SNORC: variants seen among roughly 807,000 people sequenced by gnomAD.
SNORC encodes secondary ossification center associated regulator of chondrocyte maturation.
Under a neutral mutation model 9.7 loss-of-function variants are expected in SNORC, and 11 were observed. That is an observed-to-expected ratio of 1.14 (90% CI 0.72 to 1.88). The LOEUF is 1.88. SNORC is among the 40% of genes most tolerant of loss of function. The pLI, the probability that SNORC is intolerant of heterozygous loss-of-function variation, is 0.00. For missense variants in SNORC, 197 were observed against 173.1 expected (o/e 1.14, Z -0.77); for synonymous variants, 108 against 88.7 (o/e 1.22, Z -1.22).
chr2:232,871,669 G>C (rs980066486), intron 1 of SNORC, among the ~76,000 whole-genome samples: 1 of 152,230 alleles, frequency 6.6e-6, no homozygotes, highest in Non-Finnish European at 1.5e-5. Flanking sequence ...CGAGCCATGC[G>C]GTGTTCCCAG....
chr2:232,875,484 T>G, intron 1 of SNORC: 1 of 428,596 alleles, frequency 2.3e-6, no homozygotes, highest in Non-Finnish European at 4.9e-6. Context: ...GGGCATCCTG[T>G]CTGGTTGCCG....
chr2:232,876,688 G>A, downstream of SNORC: 1 of 996,164 alleles, frequency 1.0e-6, no homozygotes, highest in Non-Finnish European at 1.2e-6. The surrounding 1 kb of genome is among the most constrained non-coding windows in gnomAD (Gnocchi z 6.8). Context: ...CCTCAGGAGC[G>A]CGCCGCATGT....
At chr2:232,869,193 T>A (rs1690934691), upstream of SNORC, 1 of 152,086 alleles carries the variant, frequency 6.6e-6, no homozygotes, top group African/African-American at 2.4e-5. Flanking sequence ...AAGCTGAGGC[T>A]TGAATGGAAG....
At position 232,876,327 on chromosome 2, in the gene SNORC, G is replaced by A; in HGVS notation, c.337G>A (p.Val113Ile). ...CTGCGTGGTGCTGGCGCTCGTGGTC[G>A]TCGCGCTGAGAAAGTTTTCTGCCTC... Residue 113 changes from valine to isoleucine, a missense_variant, in exon 3 of 3, where the codon GTC (valine) becomes ATC (isoleucine). Coordinates refer to ENST00000331342, the Ensembl canonical transcript of SNORC. This position sits in a 1 kb window ranked among gnomAD's most constrained non-coding sequence, Gnocchi z 6.8. 3 of 1,547,032 alleles carry A rather than the reference G, an allele frequency of 1.9e-6. No homozygotes were observed. The highest frequency in any genetic ancestry group is 2.6e-6 in the Non-Finnish European group (3 of 1,150,218).
chr2:232,876,592 A>G (rs1181987796), downstream of SNORC: 4 of 1,122,090 alleles, frequency 3.6e-6, no homozygotes, highest in African/African-American at 4.9e-5. This position sits in a 1 kb window ranked among gnomAD's most constrained non-coding sequence, Gnocchi z 6.8. Context: ...AGCGCACAGC[A>G]TGTCCGAGCC....
intron 1 of SNORC, among the ~76,000 whole-genome samples, chr2:232,874,701 C>A (rs1235123640): frequency 6.6e-6 from 1 of 152,234 alleles, no homozygotes; most frequent in Non-Finnish European, 1.5e-5. Flanking sequence ...TGGCTTGACT[C>A]TTGCCCCAGC....
chr2:232,873,621 T>C (rs1376816413), intron 1 of SNORC, among the ~76,000 whole-genome samples: 3 of 152,214 alleles, frequency 2.0e-5, no homozygotes, highest in South Asian at 2.1e-4. Flanking sequence ...GTGTGTCATT[T>C]GTCCATTTCT....
intron 1 of SNORC, among the ~76,000 whole-genome samples, chr2:232,871,777 T>G (rs951716193): frequency 2.0e-5 from 3 of 152,150 alleles, no homozygotes; most frequent in Admixed American, 1.3e-4. Flanking sequence ...AGAAGCTGCT[T>G]CTCCAGCCTG....
chr2:232,875,817 T>G (rs1691206933), intron 1 of SNORC, 123 bp from the exon 2 acceptor site: 2 of 1,023,664 alleles, frequency 2.0e-6, no homozygotes, highest in Non-Finnish European at 2.8e-6. Flanking sequence ...TGAGGGCTAG[T>G]GCAGCGCTGA....
At chr2:232,871,660 G>A (rs560051501) in intron 1 of SNORC, among the ~76,000 whole-genome samples, 3 of 152,342 alleles carry the variant, frequency 2.0e-5, no homozygotes, top group African/African-American at 7.2e-5. Context: ...CAGCCTAGGC[G>A]AGCCATGCGG....
chr2:232,876,389 C>A lies in SNORC; in HGVS notation c.*33C>A. 1 of 1,512,792 alleles carries A rather than the reference C, an allele frequency of 6.6e-7. No homozygotes were observed. The highest frequency in any genetic ancestry group is 1.2e-5 in the South Asian group (1 of 82,460). The allele number at this position is 1,512,792 out of a possible 1,614,324, so 93.7% of individuals were successfully genotyped here. ...AAAGGGGCCGCGCCCGGCCGCGGCG[C>A]GACTCGGCTGCACTCCTCACGCGCC... On this transcript the variant is annotated 3_prime_UTR_variant, in exon 3 of 3. Transcript: ENST00000331342. The surrounding 1 kb of genome is among the most constrained non-coding windows in gnomAD (Gnocchi z 6.8).
intron 1 of SNORC, among the ~76,000 whole-genome samples, chr2:232,872,459 G>A (rs1691062832): frequency 6.6e-6 from 1 of 152,188 alleles, no homozygotes; most frequent in Non-Finnish European, 1.5e-5. Flanking sequence ...TGGGGCCAGT[G>A]GGGCTGGGAG....
chr2:232,874,126 G>A (rs1691127712), intron 1 of SNORC, among the ~76,000 whole-genome samples: 1 of 152,210 alleles, frequency 6.6e-6, no homozygotes, highest in Non-Finnish European at 1.5e-5. Context: ...TTTTATTGTG[G>A]AAAGATGTGA....
chr2:232,875,756 C>G, intron 1 of SNORC, 184 bp from the exon 2 acceptor site: 1 of 650,982 alleles, frequency 1.5e-6, no homozygotes, highest in African/African-American at 1.9e-5. Context: ...ACCGGCCCTG[C>G]CCAATGGGAG....
At chr2:232,877,253 A>G, downstream of SNORC, 4 of 985,334 alleles carry the variant, frequency 4.1e-6, no homozygotes, top group Non-Finnish European at 4.8e-6. Context: ...GGGAGAGAAA[A>G]CGGCTTTCCC....
Position 232,871,396 on chromosome 2 carries a change from G to A in SNORC, c.73+982G>A, listed in dbSNP as rs1483640472. ...AGGGTGTGCTCAGTCTTGACCGGGC[G>A]GTTTCTTAACCTCTCTGTGCCTTCT... is the stretch of plus-strand genomic sequence containing the variant. On this transcript the variant is annotated intron_variant, in intron 1 of 2. Coordinates refer to ENST00000331342, the Ensembl canonical transcript of SNORC. Among the ~76,000 whole-genome samples the A allele has an allele frequency of 3.3e-5, 5 of 152,280 alleles. No homozygotes were observed. In the East Asian group the frequency reaches 9.7e-4, roughly 29 times the overall value.
At chr2:232,870,148 G>A (rs1201932013), upstream of SNORC, 3 of 625,248 alleles carry the variant, frequency 4.8e-6, no homozygotes, top group African/African-American at 3.7e-5. Context: ...GGTCTGTTCT[G>A]TGAGCTCTTG....
At chr2:232,867,623 C>T (rs1283183644), upstream of SNORC, among the ~76,000 whole-genome samples, 1 of 152,182 alleles carries the variant, frequency 6.6e-6, no homozygotes, top group African/African-American at 2.4e-5. Flanking sequence ...TAGTGGAGCA[C>T]GCAGCAGCAG....
intron 1 of SNORC, among the ~76,000 whole-genome samples, chr2:232,872,871 C>T (rs1021060307): frequency 6.6e-6 from 1 of 152,228 alleles, no homozygotes; most frequent in African/African-American, 2.4e-5. Context: ...TAAGAAGTGC[C>T]TCGGCCCCTC....
Sources: gnomAD v4.1 joint callset for allele counts (sites outside exome capture counted in the v4.1 genomes callset) on GRCh38, gnomAD v4.1.1 for gene constraint, Gnocchi (gnomAD v3.1) non-coding constraint, MANE v1.5 for transcripts, NCBI Gene and HGNC (gene_info 2026-07-23, HGNC 2026-07-21) for gene names.